Variants in ZNF333 observed in about 807,000 individuals in gnomAD.
ZNF333 encodes zinc finger protein 333.
ZNF333 carries 61 observed loss-of-function variants against 76.1 expected under a neutral mutation model. The observed-to-expected ratio is 0.80, with a 90% confidence interval of 0.65 to 0.99. The LOEUF (loss-of-function observed/expected upper bound fraction) is 0.99, where lower values mean the gene tolerates loss of function less well. Ranked by LOEUF, ZNF333 falls within the 50% of genes least tolerant of loss-of-function variation. The pLI, the probability that ZNF333 is intolerant of heterozygous loss-of-function variation, is 0.00. For missense variants in ZNF333, 717 were observed against 822.4 expected (o/e 0.87, Z 1.57); for synonymous variants, 284 against 305.0 (o/e 0.93, Z 0.72).
At position 14,720,899 on chromosome 19, in the gene ZNF333, A is replaced by G. The variant is rs902353746; in HGVS notation, c.*1574A>G. Reference sequence around the variant, plus strand: ...AGTTTTTAAATTTATGTATATACATACATATATATGTTTTGAAGCAATGAA... The same window carrying G: ...AGTTTTTAAATTTATGTATATACATGCATATATATGTTTTGAAGCAATGAA... On this transcript the variant is annotated 3_prime_UTR_variant, in exon 12 of 12. Transcript: ENST00000292530. 1.1e-6 allele frequency: 1 copy of G among 876,856 alleles called. No homozygotes were observed. The allele number at this position is 876,856 out of a possible 1,614,324, so 54.3% of individuals were successfully genotyped here.
At position 14,716,990 on chromosome 19, in the gene ZNF333, G is replaced by A. The variant is rs756408877; in HGVS notation, c.728-4G>A. ...CACAACATGTGTTTTTTTCTCATGAGCAGCTGATCAACTGTGCAAACCCAA... is the reference window on the plus strand; with the variant it reads ...CACAACATGTGTTTTTTTCTCATGAACAGCTGATCAACTGTGCAAACCCAA... On this transcript the variant is annotated splice_polypyrimidine_tract_variant and splice_region_variant and intron_variant, in intron 9 of 11. Transcript: ENST00000292530. 6 of 1,608,896 alleles carry A rather than the reference G, an allele frequency of 3.7e-6. No individual in the cohort carries two copies. In the South Asian group the frequency reaches 6.7e-5, roughly 18 times the overall value.
intron 8 of ZNF333, among the ~76,000 whole-genome samples, chr19:14,715,828 T>C (rs977808636): frequency 3.3e-5 from 5 of 152,324 alleles, no homozygotes; most frequent in African/African-American, 1.2e-4. Flanking sequence ...GACAAATCTG[T>C]AAGAGCTTCC....
chr19:14,720,811 G>T lies in ZNF333; in HGVS notation c.*1486G>T. On this transcript the variant is annotated 3_prime_UTR_variant, in exon 12 of 12. Coordinates refer to ENST00000292530, the MANE Select transcript of ZNF333 (RefSeq NM_032433.4). ...TGATCTGTGATCTAGCATTTATTGA[G>T]AGAGGTATGTTAAACTCTCCCACCA... 1.0e-6 allele frequency: 1 copy of T among 983,422 alleles called. No individual in the cohort carries two copies. The highest frequency in any genetic ancestry group is 1.2e-6 in the Non-Finnish European group (1 of 828,200). The allele number at this position is 983,422 out of a possible 1,614,324, so 60.9% of individuals were successfully genotyped here. A position where few individuals can be genotyped will look rare whatever the true frequency, so the allele number is the denominator to read the frequency against.
chr19:14,711,858 A>G (rs926415104), intron 7 of ZNF333, among the ~76,000 whole-genome samples: 2 of 152,094 alleles, frequency 1.3e-5, no homozygotes, highest in Non-Finnish European at 2.9e-5. Flanking sequence ...CATGGCAGCA[A>G]TACATAGCTG....
At chr19:14,731,230 T>C in exon 12 of ZNF333, 1 of 1,523,318 alleles carries the variant, frequency 6.6e-7, no homozygotes. Flanking sequence ...CATGTTCAGA[T>C]CGCTAGAATC....
At chr19:14,701,672 C>T (rs755434121) in intron 5 of ZNF333, 1 of 985,434 alleles carries the variant, frequency 1.0e-6, no homozygotes, top group Non-Finnish European at 1.2e-6. Context: ...TCTCTCCTTT[C>T]AGTACAGGGC....
intron 10 of ZNF333, 157 bp downstream of exon 10, chr19:14,717,246 T>C: frequency 1.7e-6 from 1 of 600,182 alleles, no homozygotes; most frequent in Non-Finnish European, 2.9e-6. Context: ...CCTTTTTCCC[T>C]TTCCTTTTTA....
intron 5 of ZNF333, among the ~76,000 whole-genome samples, chr19:14,700,561 C>T (rs1272862133): frequency 4.6e-5 from 7 of 152,142 alleles, no homozygotes; most frequent in Non-Finnish European, 8.8e-5. Context: ...AAAAGCCTTC[C>T]ATATGAGCTT....
Position 14,719,541 on chromosome 19 carries a change from G to T in ZNF333, c.*216G>T. Reference sequence around the variant, plus strand: ...GGATATATTTTCATAGAGGTATAATGACTTATAGTGAAATGCATACATCTG... The same window carrying T: ...GGATATATTTTCATAGAGGTATAATTACTTATAGTGAAATGCATACATCTG... On this transcript the variant is annotated 3_prime_UTR_variant, in exon 12 of 12. Transcript: ENST00000292530. 1.8e-6 allele frequency: 2 copies of T among 1,083,168 alleles called. No homozygotes were observed. The highest frequency in any genetic ancestry group is 1.9e-5 in the South Asian group (1 of 52,480). 67.1% of individuals were successfully genotyped at this position (1,083,168 alleles called of 1,614,324 possible).
intron 1 of ZNF333, among the ~76,000 whole-genome samples, chr19:14,690,674 TAGA>T (rs1972694924): frequency 6.6e-6 from 1 of 152,256 alleles, no homozygotes; most frequent in East Asian, 1.9e-4. Context: ...AGGAATGAAT[TAGA>T]TGACGAGAGA....
chr19:14,690,504 G>A lies in ZNF333; in HGVS notation c.-42+354G>A, dbSNP rs192068672. 2.3e-3 allele frequency among the ~76,000 whole-genome samples: 348 copies of A among 152,322 alleles called. 1 individual carries two copies. The highest frequency in any genetic ancestry group is 3.7e-3 in the Non-Finnish European group (252 of 68,020). On this transcript the variant is annotated intron_variant, in intron 1 of 11. Transcript: ENST00000292530. ...TAAAGACGGCCCTACCTTGCCTACA[G>A]TATGCAAGATAACTGCGAATTAGTA...
chr19:14,723,043 C>G (rs2042609261), downstream of ZNF333, among the ~76,000 whole-genome samples: 1 of 152,172 alleles, frequency 6.6e-6, no homozygotes, highest in Admixed American at 6.5e-5. Flanking sequence ...GCCTTAGCCT[C>G]CCAAAGTGCT....
chr19:14,696,901 G>A (rs1459480753), intron 4 of ZNF333, among the ~76,000 whole-genome samples: 1 of 151,886 alleles, frequency 6.6e-6, no homozygotes. Context: ...ACCACACCCG[G>A]CTAATTTTTG....
intron 7 of ZNF333, chr19:14,715,161 G>T (rs139411970): frequency 5.8e-6 from 3 of 521,298 alleles, no homozygotes; most frequent in African/African-American, 5.8e-5. Context: ...GCGTGTTTGT[G>T]TGTATATGTG....
chr19:14,709,254 C>T (rs1217409682), intron 7 of ZNF333: 5 of 152,246 alleles, frequency 3.3e-5, no homozygotes, highest in Admixed American at 3.3e-4. Flanking sequence ...TTATAAATTC[C>T]CCAGTCTCAG....
At chr19:14,702,567 C>T (rs905781469) in intron 5 of ZNF333, among the ~76,000 whole-genome samples, 7 of 152,150 alleles carry the variant, frequency 4.6e-5, no homozygotes, top group African/African-American at 1.7e-4. Context: ...AGGAACAGGC[C>T]TCTCCAGGCT....
intron 1 of ZNF333, among the ~76,000 whole-genome samples, chr19:14,692,885 C>T (rs888468602): frequency 1.3e-5 from 2 of 150,994 alleles, no homozygotes; most frequent in Non-Finnish European, 2.9e-5. Context: ...TGCCGTGGCA[C>T]GATCTCAGTT....
chr19:14,693,469 C>T lies in ZNF333; in HGVS notation c.-23C>T, dbSNP rs571710388. 16 of 1,601,894 alleles carry T rather than the reference C, an allele frequency of 1.0e-5. No individual in the cohort carries two copies. Among genetic ancestry groups the T allele is most frequent in the Non-Finnish European group, 1.4e-5 (16 of 1,171,026 alleles). ...ATTGCAGGGAGAACACCGACTGAGA[C>T]CTCAAACCCTGGCTCCAGTGTCATG... is the stretch of plus-strand genomic sequence containing the variant. On this transcript the variant is annotated 5_prime_UTR_variant, in exon 2 of 12. Transcript: ENST00000292530.
chr19:14,725,526 C>T (rs559700420), downstream of ZNF333, among the ~76,000 whole-genome samples: 20 of 152,252 alleles, frequency 1.3e-4, no homozygotes, highest in African/African-American at 4.6e-4. Context: ...ATTCCTTCCC[C>T]GTGAGCCTGT....
Sources: allele counts gnomAD v4.1 joint callset (sites outside exome capture counted in the v4.1 genomes callset), GRCh38; gene constraint gnomAD v4.1.1; transcripts MANE v1.5; gene names NCBI Gene and HGNC (gene_info 2026-07-23, HGNC 2026-07-21).